The following CMSS1 variants were observed in gnomAD, a reference collection of about 807,000 sequenced individuals.
The protein encoded by CMSS1 is protein CMSS1.
CMSS1 carries 33 observed loss-of-function variants against 43.5 expected under a neutral mutation model. The observed-to-expected ratio is 0.76, with a 90% CI of 0.57 to 1.01. The LOEUF is 1.01. Among genes scored for constraint, CMSS1 ranks in the 50% least tolerant of loss-of-function variants. The pLI is 0.00. For missense variants in CMSS1, 313 were observed against 326.4 expected (o/e 0.96, Z 0.32); for synonymous variants, 115 against 117.2 (o/e 0.98, Z 0.12).
At chr3:100,123,790 C>T (rs984274668) in intron 1 of CMSS1, among the ~76,000 whole-genome samples, 3 of 152,160 alleles carry the variant, frequency 2.0e-5, no homozygotes, top group East Asian at 3.9e-4. Context: ...AGGTAGGTCC[C>T]GGCCCTAACG....
intron 1 of CMSS1, among the ~76,000 whole-genome samples, chr3:99,836,301 A>G (rs1183237883): frequency 1.3e-5 from 2 of 152,194 alleles, no homozygotes; most frequent in Non-Finnish European, 2.9e-5. Flanking sequence ...AATAGTTCCC[A>G]GATGTTGAAC....
chr3:100,115,577 CTCT>C, intron 1 of CMSS1, among the ~76,000 whole-genome samples: 1 of 11,072 alleles, frequency 9.0e-5, no homozygotes, highest in Non-Finnish European at 1.7e-4. Flanking sequence ...CTCTCTCTGT[CTCT>C]CTCTCTCTCT....
chr3:99,999,875 A>G (rs1407758371), intron 1 of CMSS1, among the ~76,000 whole-genome samples: 1 of 152,212 alleles, frequency 6.6e-6, no homozygotes, highest in Non-Finnish European at 1.5e-5. Flanking sequence ...AAAATTTAAT[A>G]GTTCAGTTTC....
chr3:100,072,421 T>C (rs1343572183), intron 1 of CMSS1, among the ~76,000 whole-genome samples: 1 of 152,260 alleles, frequency 6.6e-6, no homozygotes, highest in Non-Finnish European at 1.5e-5. Context: ...TGTCTCTGGC[T>C]GACTTCCTGG....
At chr3:99,874,900 T>C (rs1705433508) in intron 1 of CMSS1, among the ~76,000 whole-genome samples, 1 of 152,190 alleles carries the variant, frequency 6.6e-6, no homozygotes, top group East Asian at 1.9e-4. Flanking sequence ...CTCCAAACAG[T>C]TATCTTATAT....
chr3:99,923,587 A>T (rs1707191637), intron 1 of CMSS1, among the ~76,000 whole-genome samples: 1 of 152,072 alleles, frequency 6.6e-6, no homozygotes, highest in African/African-American at 2.4e-5. Context: ...TCCCAACCTC[A>T]TGGCTGTTGG....
At chr3:99,889,576 T>C (rs1252339118) in intron 1 of CMSS1, among the ~76,000 whole-genome samples, 1 of 152,090 alleles carries the variant, frequency 6.6e-6, no homozygotes, top group Non-Finnish European at 1.5e-5. Context: ...TCTATGTTTA[T>C]AGTAATTATT....
At chr3:100,053,740 T>C (rs2065413596) in intron 1 of CMSS1, among the ~76,000 whole-genome samples, 1 of 152,236 alleles carries the variant, frequency 6.6e-6, no homozygotes, top group Non-Finnish European at 1.5e-5. Context: ...TTGTTTTCAC[T>C]GTGTTATCTT....
chr3:100,147,061 G>A lies in CMSS1; in HGVS notation c.153G>A (p.Gln51=). Residue 51 remains glutamine (Q), a splice_region_variant and synonymous_variant, in exon 2 of 10, where the codon CAG becomes CAA. Transcript: ENST00000421999. ...CTGTACCTTCAGAGAAAACCAAACA[G>A]GTGAGGGGTCACTGTGGGAGAGCCA... The part of the protein sequence containing the change: ...PVPVPSEKTK[Q]PKECFLIQPK... 3 of 1,613,674 alleles carry A rather than the reference G, an allele frequency of 1.9e-6. No individual in the cohort carries two copies. The highest frequency in any genetic ancestry group is 2.5e-6 in the Non-Finnish European group (3 of 1,179,780).
At chr3:99,912,322 G>A (rs1706816141) in intron 1 of CMSS1, among the ~76,000 whole-genome samples, 1 of 152,184 alleles carries the variant, frequency 6.6e-6, no homozygotes, top group Non-Finnish European at 1.5e-5. Flanking sequence ...AAGGAGATCA[G>A]TGGTTTCTAG....
intron 1 of CMSS1, among the ~76,000 whole-genome samples, chr3:100,120,810 G>T (rs1432401499): frequency 6.6e-6 from 1 of 152,182 alleles, no homozygotes; most frequent in East Asian, 1.9e-4. Context: ...GACACCTTGG[G>T]CAAGGAGCAG....
At chr3:99,973,444 G>C (rs1705811410) in intron 1 of CMSS1, among the ~76,000 whole-genome samples, 1 of 152,024 alleles carries the variant, frequency 6.6e-6, no homozygotes, top group Admixed American at 6.6e-5. Context: ...ATATAAAATA[G>C]AAATCTAAAA....
intron 1 of CMSS1, among the ~76,000 whole-genome samples, chr3:100,100,483 C>T (rs1482685616): frequency 6.6e-6 from 1 of 152,112 alleles, no homozygotes; most frequent in Non-Finnish European, 1.5e-5. Flanking sequence ...TAAGATTACA[C>T]AGCAAGTCCA....
chr3:100,068,840 C>A (rs533343227), intron 1 of CMSS1, among the ~76,000 whole-genome samples: 16 of 152,290 alleles, frequency 1.1e-4, no homozygotes, highest in Non-Finnish European at 2.2e-4. Context: ...GTTGGCCAGG[C>A]TGGTCTCAAA....
At chr3:100,038,702 T>G (rs2065151567) in intron 1 of CMSS1, among the ~76,000 whole-genome samples, 1 of 152,164 alleles carries the variant, frequency 6.6e-6, no homozygotes, top group Admixed American at 6.5e-5. Flanking sequence ...TCTCAGTCCA[T>G]GTCCTACATA....
intron 1 of CMSS1, among the ~76,000 whole-genome samples, chr3:100,072,007 G>T (rs2065771274): frequency 6.6e-6 from 1 of 152,196 alleles, no homozygotes; most frequent in African/African-American, 2.4e-5. Context: ...CAGAGGACCA[G>T]TTGTCTCCGT....
intron 1 of CMSS1, among the ~76,000 whole-genome samples, chr3:99,900,391 A>G (rs1022948563): frequency 2.0e-5 from 3 of 152,206 alleles, no homozygotes; most frequent in African/African-American, 7.2e-5. Flanking sequence ...AATTCATTTA[A>G]TCTTTACAGC....
intron 4 of CMSS1, among the ~76,000 whole-genome samples, chr3:100,165,729 C>T (rs138684766): frequency 6.8e-4 from 104 of 152,144 alleles, no homozygotes; most frequent in African/African-American, 2.4e-3. Context: ...TGTGTGTGTA[C>T]CTTAATAGAC....
At chr3:99,856,126 GCTCTGCTCTGCTC>G (rs1943953444) in intron 1 of CMSS1, among the ~76,000 whole-genome samples, 2 of 150,360 alleles carry the variant, frequency 1.3e-5, no homozygotes, top group African/African-American at 5.0e-5. Flanking sequence ...GCTCTGCTCT[GCTCTGCTCTGCTC>G]TGTCCTCATA....
Sources: allele counts gnomAD v4.1 joint callset (sites outside exome capture counted in the v4.1 genomes callset), GRCh38; gene constraint gnomAD v4.1.1; transcripts MANE v1.5; gene names NCBI Gene and HGNC (gene_info 2026-07-23, HGNC 2026-07-21).